Variants in SYT16 observed in about 807,000 individuals in gnomAD.
SYT16 encodes synaptotagmin 16.
A neutral mutation model predicts 61.4 loss-of-function variants in SYT16; 42 were observed. The observed-to-expected ratio is 0.68, with a 90% CI of 0.53 to 0.89. The LOEUF is 0.89. Among genes scored for constraint, SYT16 ranks in the 40% least tolerant of loss-of-function variants. SYT16 has a pLI of 0.00. For synonymous variants in SYT16, 314 were observed against 302.3 expected (o/e 1.04, Z -0.40); for missense variants, 804 against 807.3 (o/e 1.00, Z 0.05).
At chr14:61,923,486 C>G (rs1566683752) in intron 1 of SYT16, among the ~76,000 whole-genome samples, 1 of 152,170 alleles carries the variant, frequency 6.6e-6, no homozygotes, top group Non-Finnish European at 1.5e-5. Context: ...GAACCCCAAA[C>G]CTCTCTTCCC....
At chr14:61,868,919 T>C (rs1210993941) in intron 1 of SYT16, among the ~76,000 whole-genome samples, 1 of 152,134 alleles carries the variant, frequency 6.6e-6, no homozygotes, top group Non-Finnish European at 1.5e-5. Flanking sequence ...GTCTGTACAT[T>C]TATCCTTCTA....
intron 1 of SYT16, among the ~76,000 whole-genome samples, chr14:61,886,013 G>A (rs986675352): frequency 4.7e-5 from 7 of 149,764 alleles, no homozygotes; most frequent in Non-Finnish European, 7.4e-5. Context: ...CGCCCAGGCT[G>A]GAGTGCAGTG....
intron 1 of SYT16, among the ~76,000 whole-genome samples, chr14:61,951,573 GTCTT>G: frequency 6.6e-6 from 1 of 152,060 alleles, no homozygotes; most frequent in East Asian, 1.9e-4. Flanking sequence ...AAAGTCGGAT[GTCTT>G]TCTTCCAAGA....
intron 1 of SYT16, among the ~76,000 whole-genome samples, chr14:61,878,581 G>C (rs2047586315): frequency 6.6e-6 from 1 of 152,188 alleles, no homozygotes; most frequent in African/African-American, 2.4e-5. Flanking sequence ...TGCCAAATCT[G>C]AGGGACTTTG....
chr14:62,024,883 A>G (rs958875960), intron 3 of SYT16, among the ~76,000 whole-genome samples: 1 of 152,090 alleles, frequency 6.6e-6, no homozygotes, highest in Admixed American at 6.6e-5. Context: ...TTGGACTTAT[A>G]TAGTATATAG....
intron 1 of SYT16, among the ~76,000 whole-genome samples, chr14:61,834,016 GT>G (rs1177722189): frequency 7.3e-6 from 1 of 136,340 alleles, no homozygotes; most frequent in Admixed American, 7.5e-5. Context: ...GGAGATACTT[GT>G]TCTTTGGAAG....
At chr14:61,845,039 C>CT (rs35131511) in intron 1 of SYT16, among the ~76,000 whole-genome samples, 3,895 of 97,498 alleles carry the variant, frequency 0.04, 615 homozygotes, top group African/African-American at 0.1. Context: ...TACTAGAAGA[C>CT]TTTTTTTTTT....
intron 7 of SYT16, among the ~76,000 whole-genome samples, chr14:62,088,097 AG>A (rs2056948708): frequency 6.6e-6 from 1 of 152,216 alleles, no homozygotes. Context: ...CTGAGAATCT[AG>A]CAGTTACGTT....
intron 3 of SYT16, among the ~76,000 whole-genome samples, chr14:62,016,776 G>A (rs1322038443): frequency 6.6e-6 from 1 of 152,042 alleles, no homozygotes; most frequent in Non-Finnish European, 1.5e-5. Flanking sequence ...ATTATTTGAT[G>A]CCTAAGTATG....
intron 1 of SYT16, among the ~76,000 whole-genome samples, chr14:61,917,992 C>G (rs528012480): frequency 3.4e-4 from 51 of 152,174 alleles, no homozygotes; most frequent in African/African-American, 1.2e-3. Context: ...GATAAGAAAG[C>G]AAGGGTGTGA....
chr14:62,085,714 C>T (rs996869790), intron 7 of SYT16, among the ~76,000 whole-genome samples: 2 of 152,062 alleles, frequency 1.3e-5, no homozygotes. Flanking sequence ...AAGGAATGCC[C>T]CAGCACTTTG....
chr14:62,073,001 A>G (rs1411812935), intron 4 of SYT16, among the ~76,000 whole-genome samples: 1 of 152,086 alleles, frequency 6.6e-6, no homozygotes, highest in Non-Finnish European at 1.5e-5. Flanking sequence ...AGGTGTCATG[A>G]TCTTCTTTAA....
chr14:62,015,866 C>G (rs547262259), intron 3 of SYT16, among the ~76,000 whole-genome samples: 1 of 152,180 alleles, frequency 6.6e-6, no homozygotes, highest in African/African-American at 2.4e-5. Context: ...TTATAGCAGC[C>G]TGAACGAACT....
In SYT16 at chr14:62,046,589, C is replaced by G. The variant is rs549298634; in HGVS notation, c.524-23014C>G. Among the ~76,000 whole-genome samples, 242 of 152,262 alleles carry G rather than the reference C, an allele frequency of 1.6e-3. 2 individuals are homozygous for G. The highest frequency in any genetic ancestry group is 4.3e-4 in the Non-Finnish European group (29 of 68,024). ...TTCTAGGGTTTTTATGGTTTTAGGT[C>G]TAACATTTAAGTCTTTAATCAATCT... On this transcript the variant is annotated intron_variant, in intron 3 of 7. Coordinates refer to ENST00000683842, the MANE Select transcript of SYT16 (RefSeq NM_001367656.1).
In SYT16 at chr14:62,111,302, A is replaced by G. The variant is rs2057604421; in HGVS notation, c.*10595A>G. ...TCATTCATTTTGAACATATGTAACTATTTTAGGAGATTTTCAGGAGATTTT... is the reference window on the plus strand; with the variant it reads ...TCATTCATTTTGAACATATGTAACTGTTTTAGGAGATTTTCAGGAGATTTT... On this transcript the variant is annotated 3_prime_UTR_variant, in exon 8 of 8. Coordinates refer to ENST00000683842, the MANE Select transcript of SYT16 (RefSeq NM_001367656.1). The G allele has an allele frequency of 6.6e-6, 1 of 152,006 alleles. No homozygotes were observed. The highest frequency in any genetic ancestry group is 2.4e-5 in the African/African-American group (1 of 41,428). The allele number at this position is 152,006 out of a possible 1,614,324, so 9.4% of individuals were successfully genotyped here.
chr14:61,874,444 G>C (rs188112959), intron 1 of SYT16, among the ~76,000 whole-genome samples: 1 of 152,118 alleles, frequency 6.6e-6, no homozygotes, highest in Non-Finnish European at 1.5e-5. Flanking sequence ...ATATGAGGGG[G>C]TGATGGTTCC....
intron 1 of SYT16, chr14:61,832,048 T>C: frequency 1.4e-6 from 1 of 708,680 alleles, no homozygotes; most frequent in Non-Finnish European, 2.7e-6. Flanking sequence ...AGGAAGAACA[T>C]GGCAGCGCCC....
intron 5 of SYT16, chr14:62,079,439 C>T (rs1242672272): frequency 1.2e-6 from 1 of 821,466 alleles, no homozygotes; most frequent in East Asian, 6.9e-5. Context: ...GTACCATCTC[C>T]ATTTTACAGT....
At chr14:62,051,218 G>T (rs1177161626) in intron 3 of SYT16, among the ~76,000 whole-genome samples, 2 of 152,238 alleles carry the variant, frequency 1.3e-5, no homozygotes, top group Non-Finnish European at 2.9e-5. Context: ...TTTGATCTCA[G>T]ACTGCTGTGC....
Sources: allele counts gnomAD v4.1 joint callset (sites outside exome capture counted in the v4.1 genomes callset), GRCh38; gene constraint gnomAD v4.1.1; transcripts MANE v1.5; gene names NCBI Gene and HGNC (gene_info 2026-07-23, HGNC 2026-07-21).